The following CCNDBP1 variants were observed in gnomAD, a reference collection of about 807,000 sequenced individuals.
CCNDBP1 encodes cyclin D1 binding protein 1.
A neutral mutation model predicts 46.2 loss-of-function variants in CCNDBP1; 45 were observed. That is an observed-to-expected ratio of 0.97 (90% CI 0.77 to 1.25). The LOEUF (loss-of-function observed/expected upper bound fraction) is 1.25. Among genes scored for constraint, CCNDBP1 ranks in the 50% most tolerant of loss-of-function variants. CCNDBP1 has a pLI of 0.00. For missense variants in CCNDBP1, 436 were observed against 442.1 expected (o/e 0.99, Z 0.12); for synonymous variants, 154 against 163.6 (o/e 0.94, Z 0.45).
Position 43,195,073 on chromosome 15 carries a change from A to T in CCNDBP1, c.*232A>T, listed in dbSNP as rs2042021761. Reference sequence around the variant, plus strand: ...ATGAAAAATAATTGCATGATTTCTCATTCCTGAGTCATTTCTCAGAGATTC... The same window carrying T: ...ATGAAAAATAATTGCATGATTTCTCTTTCCTGAGTCATTTCTCAGAGATTC... On this transcript the variant is annotated 3_prime_UTR_variant, in exon 11 of 11. Coordinates refer to ENST00000300213, the MANE Select transcript of CCNDBP1 (RefSeq NM_012142.5). 2 of 369,076 alleles carry T rather than the reference A, an allele frequency of 5.4e-6. No homozygotes were observed. The highest frequency in any genetic ancestry group is 9.7e-6 in the Non-Finnish European group (2 of 207,236). 22.9% of individuals were successfully genotyped at this position (369,076 alleles called of 1,614,324 possible).
chr15:43,194,069 TTTTTTTTA>T, intron 9 of CCNDBP1: 1 of 354,026 alleles, frequency 2.8e-6, no homozygotes, highest in Non-Finnish European at 5.3e-6. Context: ...TTTTTTTTTT[TTTTTTTTA>T]AAGGAACCTT....
intron 3 of CCNDBP1, 142 bp downstream of exon 3, chr15:43,186,375 A>G (rs375778793): frequency 4.3e-6 from 3 of 695,194 alleles, no homozygotes; most frequent in Non-Finnish European, 4.9e-6. Context: ...ACTTCACAGG[A>G]TTGTTGTGAA....
At chr15:43,191,170 C>G in intron 7 of CCNDBP1, 128 bp downstream of exon 7, 1 of 839,676 alleles carries the variant, frequency 1.2e-6, no homozygotes, top group East Asian at 2.6e-5. Flanking sequence ...CTTCCATCTC[C>G]CACTGCTTGT....
In CCNDBP1 at chr15:43,195,136, A is replaced by G; in HGVS notation, c.*295A>G. ...CCTTATTCTCTTTTTGCAGTAAAGTATGTTGTTTTCATTGTAAAGATGTTG... is the reference window on the plus strand; with the variant it reads ...CCTTATTCTCTTTTTGCAGTAAAGTGTGTTGTTTTCATTGTAAAGATGTTG... On this transcript the variant is annotated 3_prime_UTR_variant, in exon 11 of 11. Coordinates refer to ENST00000300213, the MANE Select transcript of CCNDBP1 (RefSeq NM_012142.5). 1 of 248,954 alleles carries G rather than the reference A, an allele frequency of 4.0e-6. No homozygotes were observed. Among genetic ancestry groups the G allele is most frequent in the East Asian group, 8.5e-5 (1 of 11,816 alleles). 15.4% of individuals were successfully genotyped at this position (248,954 alleles called of 1,614,324 possible). A position where few individuals can be genotyped will look rare whatever the true frequency, so the allele number is the denominator to read the frequency against.
Position 43,186,209 on chromosome 15 carries a change from T to C in CCNDBP1, c.225T>C (p.Ser75=). The change falls in exon 3 of 11, where the codon TCT becomes TCC. Residue 75 remains serine, a synonymous_variant. Transcript: ENST00000300213. ...CCACGACTCTGACCATAGTCTTCTC[T>C]CAGCTTCCACTGCCGTCTCCACAGG... The part of the protein sequence containing the change: ...REATTLTIVF[S]QLPLPSPQET... 6.2e-7 allele frequency: 1 copy of C among 1,614,122 alleles called. No homozygotes were observed. Among genetic ancestry groups the C allele is most frequent in the South Asian group, 1.1e-5 (1 of 91,074 alleles).
Position 43,196,926 on chromosome 15 carries a change from G to T in CCNDBP1, c.*2085G>T. The T allele has an allele frequency of 3.1e-6, 1 of 325,434 alleles. No individual in the cohort carries two copies. The allele number at this position is 325,434 out of a possible 1,614,324, so 20.2% of individuals were successfully genotyped here. A position where few individuals can be genotyped will look rare whatever the true frequency, so the allele number is the denominator to read the frequency against. On this transcript the variant is annotated 3_prime_UTR_variant, in exon 11 of 11. Coordinates refer to ENST00000300213, the MANE Select transcript of CCNDBP1 (RefSeq NM_012142.5). Reference sequence around the variant, plus strand: ...GAGGTGTTTGGATCCCTCATGAATGGCTTCGTTCCATTGGTGGGGTAATGA... The same window carrying T: ...GAGGTGTTTGGATCCCTCATGAATGTCTTCGTTCCATTGGTGGGGTAATGA...
rs892883097 is a variant in CCNDBP1 at position 43,194,740 on chromosome 15, A to AC, written c.986dup (p.Gln330SerfsTer5). 1 of 1,610,256 alleles carries AC rather than the reference A, an allele frequency of 6.2e-7. No individual in the cohort carries two copies. On this transcript the variant is annotated frameshift_variant, in exon 11 of 11. Transcript: ENST00000300213. LOFTEE classifies it high-confidence loss of function. ...TTCTATTCACAGAGCAAGTCATGTG[A>AC]CCCCTCAGCCAGAAGATAGTTGGAT...
Position 43,192,768 on chromosome 15 carries a change from T to C in CCNDBP1, c.886T>C (p.Tyr296His). Residue 296 changes from tyrosine to histidine, a missense_variant, in exon 9 of 11, where the codon TAT (tyrosine) becomes CAT (histidine). By Grantham distance (83) the Tyr-to-His change is moderately conservative (BLOSUM62 2). Transcript: ENST00000300213. Reference sequence around the variant, plus strand: ...TGTGGATGATTTGGCTCTGAGCATATATCCACCTATGTGTCACCTGACCGT... The same window carrying C: ...TGTGGATGATTTGGCTCTGAGCATACATCCACCTATGTGTCACCTGACCGT... ...PSVDDLALSI[Y>H]PPMCHLTVRI... 6.2e-7 allele frequency: 1 copy of C among 1,614,212 alleles called. No individual in the cohort carries two copies. Among genetic ancestry groups the C allele is most frequent in the Non-Finnish European group, 8.5e-7 (1 of 1,180,032 alleles).
chr15:43,185,842 C>G lies in CCNDBP1; in HGVS notation c.132C>G (p.Thr44=). The change falls in exon 2 of 11, where the codon ACC becomes ACG. Residue 44 remains threonine, a synonymous_variant. Transcript: ENST00000300213. ...AAGTCGGCGAAGCCCAGGAGACCAC[C>G]GAGGAGTTTAATCGAGAGATGTTCT... The part of the protein sequence containing the change: ...RVRVGEAQET[T]EEFNREMFWR... 1.9e-6 allele frequency: 3 copies of G among 1,611,576 alleles called. No individual in the cohort carries two copies. Among genetic ancestry groups the G allele is most frequent in the Non-Finnish European group, 2.5e-6 (3 of 1,179,950 alleles).
In CCNDBP1 at chr15:43,186,177, A is replaced by G. The variant is rs1379455848; in HGVS notation, c.193A>G (p.Arg65Gly). ...AGATGAGGCAGCTGTGACTGTGTCAAGGGAAGCCACGACTCTGACCATAGT... is the reference window on the plus strand; with the variant it reads ...AGATGAGGCAGCTGTGACTGTGTCAGGGGAAGCCACGACTCTGACCATAGT... The part of the protein sequence containing the change: ...RLNEAAVTVS[R>G]EATTLTIVFS... The change falls in exon 3 of 11, where the codon AGG (arginine) becomes GGG (glycine). Residue 65 changes from arginine to glycine, a missense_variant. Arg to Gly is a moderately radical substitution (Grantham distance 125). Coordinates refer to ENST00000300213, the MANE Select transcript of CCNDBP1 (RefSeq NM_012142.5). 3 of 1,614,092 alleles carry G rather than the reference A, an allele frequency of 1.9e-6. No homozygotes were observed. The highest frequency in any genetic ancestry group is 4.5e-5 in the East Asian group (2 of 44,884).
chr15:43,189,401 G>A, intron 4 of CCNDBP1, 121 bp downstream of exon 4: 1 of 565,580 alleles, frequency 1.8e-6, no homozygotes, highest in South Asian at 2.5e-5. Flanking sequence ...ATACAGTGAA[G>A]GATAATTTTG....
chr15:43,186,131 C>T, intron 2 of CCNDBP1, 23 bp from the exon 3 acceptor site: 2 of 1,609,056 alleles, frequency 1.2e-6, no homozygotes, highest in Non-Finnish European at 1.7e-6. Flanking sequence ...TTGGCACCTG[C>T]CTCCTCTTCG....
At chr15:43,189,841 G>C in intron 4 of CCNDBP1, 1 of 541,480 alleles carries the variant, frequency 1.8e-6, no homozygotes, top group Non-Finnish European at 3.3e-6. Flanking sequence ...GAAAGATTTT[G>C]TTCCAAATCT....
chr15:43,192,994 G>C (rs1452367517), intron 9 of CCNDBP1, 191 bp downstream of exon 9: 2 of 589,996 alleles, frequency 3.4e-6, no homozygotes, highest in Non-Finnish European at 6.1e-6. Flanking sequence ...TAATAGCCAT[G>C]AGCTTTGGTA....
intron 9 of CCNDBP1, among the ~76,000 whole-genome samples, chr15:43,193,903 A>G (rs1446591230): frequency 6.6e-6 from 1 of 152,158 alleles, no homozygotes; most frequent in Non-Finnish European, 1.5e-5. Context: ...TTTTAGCAAT[A>G]TGCCTAGTCA....
Position 43,185,541 on chromosome 15 carries a change from G to A in CCNDBP1, c.43G>A (p.Ala15Thr). 1 of 1,596,666 alleles carries A rather than the reference G, an allele frequency of 6.3e-7. No individual in the cohort carries two copies. The highest frequency in any genetic ancestry group is 8.5e-7 in the Non-Finnish European group (1 of 1,174,096). The part of the protein sequence containing the change: ...TAPAAAVPTL[A>T]SPLEQLRHLA... The stretch of plus-strand genomic sequence containing the variant: ...ACCTGCAGCCGCAGTCCCCACCCTG[G>A]CTTCGCCTTTGGAGCAGCTCCGGCA... The change falls in exon 1 of 11, where the codon GCT (alanine) becomes ACT (threonine). Residue 15 changes from alanine to threonine, a missense_variant. Physicochemically the swap from Ala to Thr is moderately conservative, Grantham distance 58. Transcript: ENST00000300213.
rs1032837821 is a variant in CCNDBP1 at position 43,197,020 on chromosome 15, C to A, written c.*2179C>A. On this transcript the variant is annotated 3_prime_UTR_variant, in exon 11 of 11. Transcript: ENST00000300213. The stretch of plus-strand genomic sequence containing the variant: ...CTGTTAAAACGAGGCTGGCACCTGG[C>A]ACTTACCCCTACCCCTCAACCCATT... 5.3e-5 allele frequency: 23 copies of A among 433,814 alleles called. No individual in the cohort carries two copies. Among genetic ancestry groups the A allele is most frequent in the Admixed American group, 1.0e-4 (3 of 28,678 alleles). The allele number at this position is 433,814 out of a possible 1,614,324, so 26.9% of individuals were successfully genotyped here. A position where few individuals can be genotyped will look rare whatever the true frequency, so the allele number is the denominator to read the frequency against.
At chr15:43,194,207 G>A (rs1180812129) in intron 9 of CCNDBP1, 56 of 499,020 alleles carry the variant, frequency 1.1e-4, no homozygotes, top group Non-Finnish European at 1.5e-4. Flanking sequence ...TTATTAAAAT[G>A]TTATAGCAAT....
chr15:43,194,694 GTT>G, intron 10 of CCNDBP1, 31 bp from the exon 11 acceptor site: 1 of 1,503,852 alleles, frequency 6.6e-7, no homozygotes, highest in Non-Finnish European at 9.3e-7. Flanking sequence ...ATCCTAATAA[GTT>G]TAACTTACTT....
Sources: gnomAD v4.1 joint callset for allele counts (sites outside exome capture counted in the v4.1 genomes callset) on GRCh38, gnomAD v4.1.1 for gene constraint, MANE v1.5 for transcripts, NCBI Gene and HGNC (gene_info 2026-07-23, HGNC 2026-07-21) for gene names.